Variants in ROBO1 observed in about 807,000 individuals in gnomAD.
The protein encoded by ROBO1 is roundabout guidance receptor 1, also known as roundabout homolog 1.
Under a neutral mutation model 195.9 loss-of-function variants are expected in ROBO1, and 149 were observed. That is an observed-to-expected ratio of 0.76 (90% confidence interval 0.67 to 0.87). The LOEUF (loss-of-function observed/expected upper bound fraction) is 0.87, where lower values mean the gene tolerates loss of function less well. ROBO1 is among the 40% of genes least tolerant of loss of function. ROBO1 has a pLI of 0.00. For synonymous variants in ROBO1, 816 were observed against 733.2 expected (o/e 1.11, Z -1.82); for missense variants, 1,933 against 2,068.3 (o/e 0.93, Z 1.27).
In ROBO1 at chr3:78,627,437, C is replaced by A; in HGVS notation, c.3759G>T (p.Val1253=). 1 of 1,612,986 alleles carries A rather than the reference C, an allele frequency of 6.2e-7. No individual in the cohort carries two copies. Among genetic ancestry groups the A allele is most frequent in the Non-Finnish European group, 8.5e-7 (1 of 1,179,550 alleles). The change falls in exon 26 of 31, where the codon GTG becomes GTT. Residue 1253 remains valine (V), a synonymous_variant. Coordinates refer to ENST00000464233, the MANE Select transcript of ROBO1 (RefSeq NM_002941.4). ...TGGCAGTGGACTGATGGCTATAGGA[C>A]ACGGCAGCTGGAGAAGAAGCTGCTC... The part of the protein sequence containing the change: ...VRGAASSPAA[V]SYSHQSTATL...
At chr3:78,905,928 A>C (rs932213008) in intron 4 of ROBO1, among the ~76,000 whole-genome samples, 2 of 152,158 alleles carry the variant, frequency 1.3e-5, no homozygotes, top group African/African-American at 4.8e-5. Context: ...CCAGTGTTTA[A>C]ACCACTATGA....
chr3:79,593,791 T>G (rs1413458565), intron 1 of ROBO1, among the ~76,000 whole-genome samples: 7 of 151,830 alleles, frequency 4.6e-5, no homozygotes, highest in Non-Finnish European at 7.4e-5. Flanking sequence ...TTTAAATATT[T>G]TTTTTGGTAG....
At chr3:79,579,057 T>C (rs972396028) in intron 2 of ROBO1, among the ~76,000 whole-genome samples, 2 of 152,206 alleles carry the variant, frequency 1.3e-5, no homozygotes, top group African/African-American at 4.8e-5. Context: ...ACATTTTGAC[T>C]CTGAAGTCTT....
chr3:79,708,279 A>G (rs1309192646), intron 1 of ROBO1, among the ~76,000 whole-genome samples: 1 of 152,074 alleles, frequency 6.6e-6, no homozygotes, highest in Non-Finnish European at 1.5e-5. Context: ...GAAGATAACT[A>G]TTTTCTTCTT....
intron 2 of ROBO1, among the ~76,000 whole-genome samples, chr3:79,433,613 T>C (rs1410841734): frequency 6.6e-6 from 1 of 152,004 alleles, no homozygotes; most frequent in Non-Finnish European, 1.5e-5. Flanking sequence ...TATCGTGAAA[T>C]TGGCCATACT....
chr3:78,828,209 A>G (rs2031813138), intron 4 of ROBO1, among the ~76,000 whole-genome samples: 1 of 152,182 alleles, frequency 6.6e-6, no homozygotes, highest in African/African-American at 2.4e-5. Context: ...TCTTCTCAGC[A>G]TAAACTTCAT....
chr3:79,613,223 G>C (rs1261410726), intron 1 of ROBO1, among the ~76,000 whole-genome samples: 4 of 151,846 alleles, frequency 2.6e-5, no homozygotes, highest in Non-Finnish European at 5.9e-5. Context: ...GTTAAACTCA[G>C]CTTTAAAACT....
chr3:78,901,414 G>T (rs539543975), intron 4 of ROBO1, among the ~76,000 whole-genome samples: 3 of 151,966 alleles, frequency 2.0e-5, no homozygotes, highest in African/African-American at 4.8e-5. Context: ...ATTTAATAAC[G>T]GATGGGAGTA....
intron 1 of ROBO1, among the ~76,000 whole-genome samples, chr3:79,636,813 G>T (rs1489399343): frequency 1.3e-5 from 2 of 152,164 alleles, no homozygotes; most frequent in South Asian, 2.1e-4. Context: ...TGACTTTTAT[G>T]CAACTAAGAT....
At chr3:78,999,259 A>G (rs1391069955) in intron 3 of ROBO1, among the ~76,000 whole-genome samples, 1 of 152,110 alleles carries the variant, frequency 6.6e-6, no homozygotes, top group African/African-American at 2.4e-5. Context: ...ATACACTTGC[A>G]TGTTCATCAC....
At chr3:79,110,521 A>G (rs1576684981) in intron 3 of ROBO1, among the ~76,000 whole-genome samples, 1 of 151,702 alleles carries the variant, frequency 6.6e-6, no homozygotes, top group East Asian at 2.0e-4. Flanking sequence ...GAGGCCCACC[A>G]TGCAGCAGAT....
intron 4 of ROBO1, among the ~76,000 whole-genome samples, chr3:78,883,859 A>G (rs551094960): frequency 3.3e-5 from 5 of 152,276 alleles, no homozygotes; most frequent in African/African-American, 1.2e-4. Context: ...TCAGAGTGTA[A>G]CACTTTTGAG....
chr3:79,633,803 T>C (rs945587139), intron 1 of ROBO1, among the ~76,000 whole-genome samples: 8 of 152,122 alleles, frequency 5.3e-5, no homozygotes, highest in Non-Finnish European at 1.2e-4. Flanking sequence ...AGATCTGTAA[T>C]TGAAGCTAAA....
At chr3:79,292,072 C>A (rs1159960254) in intron 2 of ROBO1, among the ~76,000 whole-genome samples, 2 of 152,150 alleles carry the variant, frequency 1.3e-5, no homozygotes, top group Non-Finnish European at 2.9e-5. Context: ...ATCCTACTGT[C>A]TTGAAAGTGA....
chr3:79,480,302 CTTAT>C (rs1559929331), intron 2 of ROBO1, among the ~76,000 whole-genome samples: 1 of 152,002 alleles, frequency 6.6e-6, no homozygotes, highest in Non-Finnish European at 1.5e-5. Context: ...TGAACTGGGT[CTTAT>C]AGAATATGTT....
intron 4 of ROBO1, among the ~76,000 whole-genome samples, chr3:78,912,153 AAC>A (rs1256898503): frequency 6.6e-6 from 1 of 152,092 alleles, no homozygotes; most frequent in Non-Finnish European, 1.5e-5. Context: ...ACAGTTAAAA[AAC>A]AGTTAAATTA....
At chr3:79,301,269 AC>A (rs1418711829) in intron 2 of ROBO1, among the ~76,000 whole-genome samples, 1 of 152,174 alleles carries the variant, frequency 6.6e-6, no homozygotes, top group Non-Finnish European at 1.5e-5. Flanking sequence ...CCAGAGCGCC[AC>A]CTTAAGAGCT....
intron 2 of ROBO1, among the ~76,000 whole-genome samples, chr3:79,143,099 G>T (rs1299100517): frequency 6.6e-6 from 1 of 152,042 alleles, no homozygotes; most frequent in Non-Finnish European, 1.5e-5. Context: ...GTAGTAATTG[G>T]TATAAATAAA....
intron 3 of ROBO1, among the ~76,000 whole-genome samples, chr3:79,007,652 T>A (rs2077658139): frequency 6.6e-6 from 1 of 152,216 alleles, no homozygotes; most frequent in South Asian, 2.1e-4. Context: ...TTTTTTAAAC[T>A]GACAAATAAA....
Sources: gnomAD v4.1 joint callset for allele counts (sites outside exome capture counted in the v4.1 genomes callset) on GRCh38, gnomAD v4.1.1 for gene constraint, MANE v1.5 for transcripts, NCBI Gene and HGNC (gene_info 2026-07-23, HGNC 2026-07-21) for gene names.